The following FNIP2 variants were observed in gnomAD, a reference collection of about 807,000 sequenced individuals.
FNIP2 encodes the protein folliculin interacting protein 2, also known as folliculin-interacting protein 2.
In FNIP2, 32 loss-of-function variants were observed where a neutral mutation model predicts 108.7. The ratio of observed to expected loss-of-function variants is 0.29; its 90% confidence interval spans 0.22 to 0.40. The LOEUF (loss-of-function observed/expected upper bound fraction) is 0.40, where lower values mean the gene tolerates loss of function less well. Ranked by LOEUF, FNIP2 falls within the 10% of genes least tolerant of loss-of-function variation. The probability of loss-of-function intolerance (pLI) is 1.00; values close to 1 mark genes in which losing one functional copy is unlikely to be tolerated. For missense variants in FNIP2, 1,202 were observed against 1,381.6 expected, an observed-to-expected ratio of 0.87 and a Z score of 2.06; for synonymous variants, 480 against 496.7, an observed-to-expected ratio of 0.97 and a Z score of 0.45.
chr4:158,860,980 G>T (rs1453571174), intron 10 of FNIP2, among the ~76,000 whole-genome samples: 1 of 152,108 alleles, frequency 6.6e-6, no homozygotes, highest in Non-Finnish European at 1.5e-5. Context: ...CTTTAATGAG[G>T]TGTCTATTTT....
At chr4:158,874,734 G>A (rs1342196994) in intron 14 of FNIP2, among the ~76,000 whole-genome samples, 1 of 152,006 alleles carries the variant, frequency 6.6e-6, no homozygotes, top group Non-Finnish European at 1.5e-5. Flanking sequence ...TGGGAGAGCA[G>A]AATGACAACC....
chr4:158,904,831 A>G lies in FNIP2; in HGVS notation c.*287A>G. 1 of 357,778 alleles carries G rather than the reference A, an allele frequency of 2.8e-6. No homozygotes were observed. The highest frequency in any genetic ancestry group is 3.7e-5 in the South Asian group (1 of 27,330). The allele number at this position is 357,778 out of a possible 1,614,324, so 22.2% of individuals were successfully genotyped here. On this transcript the variant is annotated 3_prime_UTR_variant, in exon 17 of 17. Transcript: ENST00000264433. ...GTAGGAGGAAACATAAGCACTAAAC[A>G]CTAAGCTGTTGCAACAGATTGCCTT... is the stretch of plus-strand genomic sequence containing the variant.
intron 7 of FNIP2, among the ~76,000 whole-genome samples, chr4:158,840,490 GGTTCAA>G (rs2126620611): frequency 1.3e-5 from 2 of 152,212 alleles, no homozygotes; most frequent in Admixed American, 1.3e-4. Flanking sequence ...CCGTCTCCCA[GGTTCAA>G]GCTATTCTCC....
In FNIP2 at chr4:158,899,946, C is replaced by G. The variant is rs541863058; in HGVS notation, c.3266+4081C>G. ...TCTTTTAATTGTGATGTTAGGGTGTCGATTTTAGATCTTTCCTGCTTTCTC... is the reference window on the plus strand; with the variant it reads ...TCTTTTAATTGTGATGTTAGGGTGTGGATTTTAGATCTTTCCTGCTTTCTC... On this transcript the variant is annotated intron_variant, in intron 16 of 16. Transcript: ENST00000264433. 5.9e-5 allele frequency among the ~76,000 whole-genome samples: 9 copies of G among 152,136 alleles called. 1 individual carries two copies. In the South Asian group the frequency reaches 1.9e-3, roughly 32 times the overall value.
intron 16 of FNIP2, among the ~76,000 whole-genome samples, chr4:158,898,290 CT>C (rs762139308): frequency 1.3e-5 from 2 of 152,146 alleles, no homozygotes; most frequent in African/African-American, 2.4e-5. Flanking sequence ...CAGCTTTGTT[CT>C]TTTTGCTTAG....
In FNIP2 at chr4:158,769,256, G is replaced by T; in HGVS notation, c.44G>T (p.Ser15Ile). ...CAGAAGCTCTTCAACAAAAGGGGCA[G>T]CAGCGGCAGCTCCGCGGCGGCGTCT... ...LLQKLFNKRG[S>I]SGSSAAASAQ... is the part of the protein sequence containing the mutation. Residue 15 changes from serine to isoleucine, a missense_variant, in exon 1 of 17, where the codon AGC becomes ATC. Around this residue, in one of 5 missense-constraint regions of FNIP2, gnomAD observed 173 missense variants for 165.9 expected, o/e 1.04. Coordinates refer to ENST00000264433, the MANE Select transcript of FNIP2 (RefSeq NM_020840.3). 6.5e-7 allele frequency: 1 copy of T among 1,540,910 alleles called. No homozygotes were observed. Among genetic ancestry groups the T allele is most frequent in the Admixed American group, 1.9e-5 (1 of 51,744 alleles).
At chr4:158,819,666 G>T (rs990596010) in intron 1 of FNIP2, among the ~76,000 whole-genome samples, 3 of 152,194 alleles carry the variant, frequency 2.0e-5, no homozygotes, top group Non-Finnish European at 4.4e-5. Context: ...ATCTATTTAC[G>T]TAAGTTTTTT....
In FNIP2 at chr4:158,769,255, A is replaced by G. The variant is rs1484476669; in HGVS notation, c.43A>G (p.Ser15Gly). Reference protein sequence around the residue: ...LLQKLFNKRGSSGSSAAASAQ... With the variant: ...LLQKLFNKRGGSGSSAAASAQ... ...CCAGAAGCTCTTCAACAAAAGGGGCAGCAGCGGCAGCTCCGCGGCGGCGTC... is the reference window on the plus strand; with the variant it reads ...CCAGAAGCTCTTCAACAAAAGGGGCGGCAGCGGCAGCTCCGCGGCGGCGTC... Residue 15 changes from serine (S) to glycine (G), a missense_variant, in exon 1 of 17, where the codon AGC becomes GGC. This residue lies in a region of FNIP2 where 173 missense variants were observed against 165.9 expected (regional missense o/e 1.04). Transcript: ENST00000264433. 1.9e-6 allele frequency: 3 copies of G among 1,540,070 alleles called. No individual in the cohort carries two copies. Among genetic ancestry groups the G allele is most frequent in the Non-Finnish European group, 2.6e-6 (3 of 1,147,632 alleles).
chr4:158,770,769 C>CCTGTAACCCAGACT (rs1435175040), intron 1 of FNIP2, among the ~76,000 whole-genome samples: 1 of 152,162 alleles, frequency 6.6e-6, no homozygotes, highest in Non-Finnish European at 1.5e-5. Flanking sequence ...CCCTTCCCTC[C>CCTGTAACCCAGACT]CTGTAACCCA....
At chr4:158,807,794 A>C (rs1163478148) in intron 1 of FNIP2, among the ~76,000 whole-genome samples, 1 of 152,216 alleles carries the variant, frequency 6.6e-6, no homozygotes, top group African/African-American at 2.4e-5. Flanking sequence ...AGAGTGAGAG[A>C]GAAGTGAGGA....
chr4:158,769,280 C>T lies in FNIP2; in HGVS notation c.68C>T (p.Ser23Phe). Reference protein sequence around the residue: ...RGSSGSSAAASAQGRAPKEGP... With the variant: ...RGSSGSSAAAFAQGRAPKEGP... The stretch of plus-strand genomic sequence containing the variant: ...AGCAGCGGCAGCTCCGCGGCGGCGT[C>T]TGCCCAGGGCAGGGCTCCTAAGGAA... Residue 23 changes from serine to phenylalanine, a missense_variant, in exon 1 of 17, where the codon TCT (serine) becomes TTT (phenylalanine). This residue lies in a region of FNIP2 where 173 missense variants were observed against 165.9 expected (regional missense o/e 1.04). Coordinates refer to ENST00000264433, the MANE Select transcript of FNIP2 (RefSeq NM_020840.3). The T allele has an allele frequency of 1.3e-6, 2 of 1,541,634 alleles. No homozygotes were observed. The highest frequency in any genetic ancestry group is 2.8e-5 in the African/African-American group (2 of 71,884).
In FNIP2 at chr4:158,893,643, T is replaced by G. The variant is rs1782431238; in HGVS notation, c.3150+1997T>G. 15 of 1,456,624 alleles carry G rather than the reference T, an allele frequency of 1.0e-5. No homozygotes were observed. In the South Asian group the frequency reaches 1.8e-4, roughly 18 times the overall value. The allele number at this position is 1,456,624 out of a possible 1,614,324, so 90.2% of individuals were successfully genotyped here. A position where few individuals can be genotyped will look rare whatever the true frequency, so the allele number is the denominator to read the frequency against. On this transcript the variant is annotated intron_variant, in intron 15 of 16. Coordinates refer to ENST00000264433, the MANE Select transcript of FNIP2 (RefSeq NM_020840.3). The stretch of plus-strand genomic sequence containing the variant: ...TGGATTATTATGATCTTATTTTTTG[T>G]TATACAGTAGTAGGCAGTTTCTCCT...
At chr4:158,792,372 CTTT>C (rs879390673) in intron 1 of FNIP2, among the ~76,000 whole-genome samples, 2 of 134,128 alleles carry the variant, frequency 1.5e-5, no homozygotes, top group Admixed American at 7.5e-5. Context: ...GAATTTAGTG[CTTT>C]TTTTTTTTTT....
chr4:158,803,594 T>A (rs150025530), intron 1 of FNIP2, among the ~76,000 whole-genome samples: 50 of 152,354 alleles, frequency 3.3e-4, no homozygotes, highest in African/African-American at 1.2e-3. Context: ...TGTAGAGACA[T>A]CCCCTTTAAC....
intron 7 of FNIP2, chr4:158,836,445 C>CGATGTGTTTTGGTGTT (rs1778803999): frequency 6.6e-6 from 1 of 151,914 alleles, no homozygotes; most frequent in Non-Finnish European, 1.5e-5. Context: ...TGGTTAAAAT[C>CGATGTGTTTTGGTGTT]GATGTGTTTT....
At chr4:158,794,700 A>C (rs1423264328) in intron 1 of FNIP2, 3 of 152,336 alleles carry the variant, frequency 2.0e-5, no homozygotes, top group Non-Finnish European at 2.9e-5. Flanking sequence ...TGAGCACCTC[A>C]CATGTTTCTT....
intron 8 of FNIP2, among the ~76,000 whole-genome samples, chr4:158,853,646 G>A (rs962270999): frequency 2.6e-5 from 4 of 152,260 alleles, no homozygotes; most frequent in East Asian, 1.9e-4. Flanking sequence ...CTGTCCTTGC[G>A]ATAGTTTGCT....
At chr4:158,872,732 G>C in intron 14 of FNIP2, 1 of 964,966 alleles carries the variant, frequency 1.0e-6, no homozygotes, top group Non-Finnish European at 1.2e-6. Flanking sequence ...GTCTATGGTA[G>C]TGTTTTTTTT....
chr4:158,844,560 T>A (rs1306318824), intron 7 of FNIP2, among the ~76,000 whole-genome samples: 1 of 152,208 alleles, frequency 6.6e-6, no homozygotes, highest in African/African-American at 2.4e-5. Context: ...TTTATAGTAG[T>A]TACCACTGTC....
Sources: gnomAD v4.1 joint callset for allele counts (sites outside exome capture counted in the v4.1 genomes callset) on GRCh38, gnomAD v4.1.1 for gene constraint, gnomAD v4.1.1 regional missense constraint, MANE v1.5 for transcripts, NCBI Gene and HGNC (gene_info 2026-07-23, HGNC 2026-07-21) for gene names.